The following BRIP1 variants were observed in gnomAD, a reference collection of about 807,000 sequenced individuals.
BRIP1 encodes BRCA1 interacting DNA helicase 1.
In BRIP1, 88 loss-of-function variants were observed where a neutral mutation model predicts 119.7. The ratio of observed to expected loss-of-function variants is 0.74; its 90% CI spans 0.62 to 0.88. BRIP1 has a LOEUF of 0.88. BRIP1 is among the 40% of genes least tolerant of loss of function. The pLI is 0.00. For synonymous variants in BRIP1, 443 were observed against 496.5 expected, an observed-to-expected ratio of 0.89 and a Z score of 1.43; for missense variants, 1,259 against 1,455.4, an observed-to-expected ratio of 0.87 and a Z score of 2.20.
At chr17:61,716,830 G>GAAAATAATAT (rs2061882819) in intron 16 of BRIP1, among the ~76,000 whole-genome samples, 1 of 151,156 alleles carries the variant, frequency 6.6e-6, no homozygotes, top group Non-Finnish European at 1.5e-5. Flanking sequence ...TTCCACTACT[G>GAAAATAATAT]GATTATTAGC....
At chr17:61,714,510 T>C (rs1243126194) in intron 17 of BRIP1, among the ~76,000 whole-genome samples, 2 of 152,198 alleles carry the variant, frequency 1.3e-5, no homozygotes. Context: ...ATAGGCTATA[T>C]CATATAGCCT....
Position 61,808,495 on chromosome 17 carries a change from T to C in BRIP1, c.890A>G (p.Lys297Arg), listed in dbSNP as rs28997570. ...EVVGNFNRNE[K>R]CMELLDGKNG... ...TTTCCCATCTAGCAATTCCATGCAC[T>C]TCTCATTTCTGTTGAAGTTACCGAC... The change falls in exon 7 of 20, where the codon AAG (lysine) becomes AGG (arginine). Residue 297 changes from lysine (K) to arginine (R), a missense_variant. By Grantham distance (26) the Lys-to-Arg change is conservative (BLOSUM62 2). Transcript: ENST00000259008. This position sits in a 1 kb window ranked among gnomAD's most constrained non-coding sequence, Gnocchi z 4.1. 2,493 of 1,613,820 alleles carry C rather than the reference T, an allele frequency of 1.5e-3. 3 individuals carry two copies. Among genetic ancestry groups the C allele is most frequent in the Non-Finnish European group, 1.9e-3 (2,193 of 1,179,712 alleles).
intron 16 of BRIP1, among the ~76,000 whole-genome samples, chr17:61,723,346 T>A (rs1372640988): frequency 6.6e-6 from 1 of 152,210 alleles, no homozygotes; most frequent in African/African-American, 2.4e-5. Context: ...AACACATTCT[T>A]ATCTCTCAGG....
Position 61,849,252 on chromosome 17 carries a change from GGA to G in BRIP1, c.382_383del (p.Ser128ProfsTer2), listed in dbSNP as rs1603362725. The G allele has an allele frequency of 6.2e-7, 1 of 1,611,874 alleles. No homozygotes were observed. Among genetic ancestry groups the G allele is most frequent in the Non-Finnish European group, 8.5e-7 (1 of 1,178,694 alleles). On this transcript the variant is annotated frameshift_variant and splice_region_variant, in exon 5 of 20. Transcript: ENST00000259008. LOFTEE classifies it high-confidence loss of function. ...RNGTSSTCQD[S>X]PEKTTLAAKL... ...TTGCAGCCAGAGTGGTTTTTTCAGG[GGA>G]GTCTTATATAAGTAATTTAAAAAAA...
chr17:61,854,738 C>T (rs1177796511), intron 4 of BRIP1, among the ~76,000 whole-genome samples: 1 of 149,428 alleles, frequency 6.7e-6, no homozygotes, highest in African/African-American at 2.5e-5. Flanking sequence ...AAAACATACA[C>T]ACCTACAAAG....
In BRIP1 at chr17:61,724,966, C is replaced by T. The variant is rs751566066; in HGVS notation, c.2380-8903G>A. On this transcript the variant is annotated intron_variant, in intron 16 of 19. Transcript: ENST00000259008. This position sits in a 1 kb window ranked among gnomAD's most constrained non-coding sequence, Gnocchi z 5.1. ...GCTCCGTATCATCATAGTGTAAACA[C>T]TTCTATCAGGGTATCACAATATAAA... is the stretch of plus-strand genomic sequence containing the variant. Among the ~76,000 whole-genome samples the T allele has an allele frequency of 2.0e-5, 3 of 152,142 alleles. No individual in the cohort carries two copies. The highest frequency in any genetic ancestry group is 2.9e-5 in the Non-Finnish European group (2 of 68,014).
At chr17:61,747,269 T>C (rs768816895) in intron 14 of BRIP1, among the ~76,000 whole-genome samples, 3 of 151,638 alleles carry the variant, frequency 2.0e-5, no homozygotes, top group African/African-American at 4.8e-5. Flanking sequence ...TTCAGGGAAC[T>C]AGAAAAAGAA....
At position 61,780,325 on chromosome 17, in the gene BRIP1, G is replaced by A. The variant is rs587781321; in HGVS notation, c.1871C>T (p.Ser624Leu). Residue 624 changes from serine to leucine, a missense_variant, in exon 13 of 20, where the codon TCG becomes TTG. Physicochemically the swap from Ser to Leu is moderately radical, Grantham distance 145 (BLOSUM62 -2). Around this residue, in one of 3 missense-constraint regions of BRIP1, gnomAD observed 753 missense variants for 891.8 expected, o/e 0.84. Transcript: ENST00000259008. The surrounding 1 kb of genome is among the most constrained non-coding windows in gnomAD (Gnocchi z 5.4). ...AGTAAATGTAACACCAAGTTCTGACGAAAAGGATTTCATTGGTGATAATGT... is the reference window on the plus strand; with the variant it reads ...AGTAAATGTAACACCAAGTTCTGACAAAAAGGATTTCATTGGTGATAATGT... ...SGTLSPMKSF[S>L]SELGVTFTIQ... is the part of the protein sequence containing the mutation. The A allele has an allele frequency of 2.4e-5, 39 of 1,610,912 alleles. No individual in the cohort carries two copies. Among genetic ancestry groups the A allele is most frequent in the Non-Finnish European group, 3.1e-5 (37 of 1,177,372 alleles).
chr17:61,760,609 T>C lies in BRIP1; in HGVS notation c.2097+15792A>G, dbSNP rs544097754. On this transcript the variant is annotated intron_variant, in intron 14 of 19. Coordinates refer to ENST00000259008, the MANE Select transcript of BRIP1 (RefSeq NM_032043.3). The surrounding 1 kb of genome is among the most constrained non-coding windows in gnomAD (Gnocchi z 4.6). ...ACAAATGAGGAGATATTATAACTGATACCACAGAAATACAAAGGATCAAAG... is the reference window on the plus strand; with the variant it reads ...ACAAATGAGGAGATATTATAACTGACACCACAGAAATACAAAGGATCAAAG... Among the ~76,000 whole-genome samples, 214 of 152,046 alleles carry C rather than the reference T, an allele frequency of 1.4e-3. 1 individual carries two copies. Among genetic ancestry groups the C allele is most frequent in the African/African-American group, 4.7e-3 (197 of 41,524 alleles).
rs1567746588 is a variant in BRIP1 at position 61,703,827 on chromosome 17, G to A, written c.2493-10315C>T. Among the ~76,000 whole-genome samples the A allele has an allele frequency of 6.6e-6, 1 of 151,964 alleles. No homozygotes were observed. The highest frequency in any genetic ancestry group is 1.9e-4 in the East Asian group (1 of 5,182). On this transcript the variant is annotated intron_variant, in intron 17 of 19. Coordinates refer to ENST00000259008, the MANE Select transcript of BRIP1 (RefSeq NM_032043.3). The surrounding 1 kb of genome is among the most constrained non-coding windows in gnomAD (Gnocchi z 5.0). The stretch of plus-strand genomic sequence containing the variant: ...GTTGTTGTATATAGTGTAAGGAAGG[G>A]GGTCCAGTTTCAATCTTCTGCTTAC...
At chr17:61,790,133 C>A (rs983292236) in intron 10 of BRIP1, among the ~76,000 whole-genome samples, 2 of 152,186 alleles carry the variant, frequency 1.3e-5, no homozygotes, top group East Asian at 1.9e-4. Flanking sequence ...ATAGTTGTAA[C>A]CAGTACTTCA....
chr17:61,833,910 A>C (rs539706634), intron 6 of BRIP1, among the ~76,000 whole-genome samples: 37 of 152,202 alleles, frequency 2.4e-4, no homozygotes, highest in Non-Finnish European at 4.4e-4. Flanking sequence ...AAGAAAAGAA[A>C]AATACATAAA....
chr17:61,693,603 A>C lies in BRIP1; in HGVS notation c.2493-91T>G, dbSNP rs2061480789. 1 of 1,034,118 alleles carries C rather than the reference A, an allele frequency of 9.7e-7. No homozygotes were observed. The highest frequency in any genetic ancestry group is 1.5e-6 in the Non-Finnish European group (1 of 665,786). 64.1% of individuals were successfully genotyped at this position (1,034,118 alleles called of 1,614,324 possible). On this transcript the variant is annotated intron_variant, in intron 17 of 19. Transcript: ENST00000259008. This position sits in a 1 kb window ranked among gnomAD's most constrained non-coding sequence, Gnocchi z 4.2. The stretch of plus-strand genomic sequence containing the variant: ...ACAGACAGAAAATTGGAAAAAAATC[A>C]ATTTTATAGATTCCTTTAAACAATT...
chr17:61,769,426 C>A lies in BRIP1; in HGVS notation c.2097+6975G>T, dbSNP rs191909588. Among the ~76,000 whole-genome samples the A allele has an allele frequency of 1.4e-3, 220 of 152,168 alleles. 1 individual carries two copies. The highest frequency in any genetic ancestry group is 5.2e-3 in the African/African-American group (215 of 41,508). ...TGTCTTCTGCATGGTCAGTATCAAA[C>A]CCCTCTGAAATGAAAACTAGATGGC... On this transcript the variant is annotated intron_variant, in intron 14 of 19. Coordinates refer to ENST00000259008, the MANE Select transcript of BRIP1 (RefSeq NM_032043.3). This position sits in a 1 kb window ranked among gnomAD's most constrained non-coding sequence, Gnocchi z 4.9.
Position 61,799,125 on chromosome 17 carries a change from G to A in BRIP1, c.1315C>T (p.Arg439Ter), listed in dbSNP as rs587780226. The change falls in exon 9 of 20, where the codon CGA becomes TGA. Residue 439 changes from arginine (R) to a stop codon, truncating the protein, a stop_gained. Transcript: ENST00000259008. LOFTEE classifies it high-confidence loss of function. The surrounding 1 kb of genome is among the most constrained non-coding windows in gnomAD (Gnocchi z 5.1). ...TTAATGAGGCTACAGCACACAGCTC[G>A]TAGGGGTTCATGATCTTTCTTCCTT... ...NIRKKDHEPL[R>*]AVCCSLINWL... 6 of 1,613,458 alleles carry A rather than the reference G, an allele frequency of 3.7e-6. No homozygotes were observed. In the East Asian group the frequency reaches 8.9e-5, roughly 24 times the overall value.
chr17:61,850,941 G>A (rs929838503), intron 4 of BRIP1, among the ~76,000 whole-genome samples: 1 of 151,254 alleles, frequency 6.6e-6, no homozygotes, highest in African/African-American at 2.4e-5. Context: ...TTAAAGAAAT[G>A]TTGCAGCTGG....
rs903267381 is a variant in BRIP1, at chr17:61,814,739, T to G, written c.628-5982A>C. ...TAGGTATACATGCTAGAAAAACTCT[T>G]GCACATTAAGACAGATACAAGAGGA... On this transcript the variant is annotated intron_variant, in intron 6 of 19. Coordinates refer to ENST00000259008, the MANE Select transcript of BRIP1 (RefSeq NM_032043.3). This position sits in a 1 kb window ranked among gnomAD's most constrained non-coding sequence, Gnocchi z 4.9. Among the ~76,000 whole-genome samples the G allele has an allele frequency of 2.6e-5, 4 of 152,180 alleles. No homozygotes were observed. The East Asian group carries it at 7.7e-4, about 29-fold the overall frequency.
At chr17:61,773,848 C>T (rs947948366) in intron 14 of BRIP1, among the ~76,000 whole-genome samples, 11 of 152,278 alleles carry the variant, frequency 7.2e-5, no homozygotes, top group African/African-American at 2.6e-4. Flanking sequence ...CTCATCATCA[C>T]TGGTCATCAG....
chr17:61,847,009 G>A (rs2078743366), intron 6 of BRIP1, 92 bp downstream of exon 6: 8 of 1,508,196 alleles, frequency 5.3e-6, no homozygotes, highest in Admixed American at 5.1e-5. Context: ...ACTGTCCTTT[G>A]TATTATACTA....
Sources: gnomAD v4.1 joint callset for allele counts (sites outside exome capture counted in the v4.1 genomes callset) on GRCh38, gnomAD v4.1.1 for gene constraint, gnomAD v4.1.1 regional missense constraint, Gnocchi (gnomAD v3.1) non-coding constraint, MANE v1.5 for transcripts, NCBI Gene and HGNC (gene_info 2026-07-23, HGNC 2026-07-21) for gene names.